The following TMCO4 variants were observed in gnomAD, a reference collection of about 807,000 sequenced individuals.
The protein encoded by TMCO4 is transmembrane and coiled-coil domains 4, also known as transmembrane and coiled-coil domain-containing protein 4.
Under a neutral mutation model 64.7 loss-of-function variants are expected in TMCO4, and 58 were observed. The ratio of observed to expected loss-of-function variants is 0.90; its 90% CI spans 0.73 to 1.12. The LOEUF (loss-of-function observed/expected upper bound fraction) is 1.12, where lower values mean the gene tolerates loss of function less well. Among genes scored for constraint, TMCO4 ranks in the 50% most tolerant of loss-of-function variants. The pLI is 0.00. For missense variants in TMCO4, 780 were observed against 825.9 expected (o/e 0.94, Z 0.68); for synonymous variants, 325 against 346.1 (o/e 0.94, Z 0.68).
intron 4 of TMCO4, among the ~76,000 whole-genome samples, chr1:19,777,178 G>A (rs577180851): frequency 1.3e-5 from 2 of 152,266 alleles, no homozygotes; most frequent in African/African-American, 4.8e-5. Context: ...GGGTATTTTG[G>A]GAAAGATGTC....
At chr1:19,750,692 C>T (rs946896281) in intron 7 of TMCO4, among the ~76,000 whole-genome samples, 1 of 152,232 alleles carries the variant, frequency 6.6e-6, no homozygotes, top group Non-Finnish European at 1.5e-5. Flanking sequence ...CACTTCCTCA[C>T]TGACACATCA....
chr1:19,737,187 T>A (rs540484384), intron 13 of TMCO4, among the ~76,000 whole-genome samples, 185 bp downstream of exon 13: 3 of 152,242 alleles, frequency 2.0e-5, no homozygotes, highest in Non-Finnish European at 4.4e-5. Flanking sequence ...AATGTATGTA[T>A]ATAAAATCAT....
At chr1:19,696,146 C>T (rs2095235220) in intron 14 of TMCO4, among the ~76,000 whole-genome samples, 2 of 152,208 alleles carry the variant, frequency 1.3e-5, no homozygotes, top group Admixed American at 1.3e-4. Flanking sequence ...CATAGCTCTC[C>T]ATTACCTATG....
intron 7 of TMCO4, among the ~76,000 whole-genome samples, chr1:19,748,381 G>C (rs1217544504): frequency 6.6e-6 from 1 of 152,204 alleles, no homozygotes; most frequent in East Asian, 1.9e-4. Context: ...AGTCAATAAA[G>C]TTATATTGAG....
At chr1:19,685,078 A>G (rs553559743) in intron 15 of TMCO4, among the ~76,000 whole-genome samples, 4 of 152,324 alleles carry the variant, frequency 2.6e-5, no homozygotes, top group African/African-American at 9.6e-5. Flanking sequence ...TAATCCCAGC[A>G]CTTTGGGAGG....
rs372931435 is a variant in TMCO4 at position 19,707,821 on chromosome 1, T to G, written c.1265-6936A>C. On this transcript the variant is annotated intron_variant, in intron 13 of 15. Transcript: ENST00000294543. ...TAACAGGAAGCATGACTGGGAGGCCTCAGGAAACTTACAATCATGGCGGAA... is the reference window on the plus strand; with the variant it reads ...TAACAGGAAGCATGACTGGGAGGCCGCAGGAAACTTACAATCATGGCGGAA... 2.6e-5 allele frequency among the ~76,000 whole-genome samples: 4 copies of G among 152,232 alleles called. No homozygotes were observed. The East Asian group carries it at 5.8e-4, about 22-fold the overall frequency.
At chr1:19,704,719 T>G (rs2095293425) in intron 13 of TMCO4, among the ~76,000 whole-genome samples, 1 of 152,160 alleles carries the variant, frequency 6.6e-6, no homozygotes, top group African/African-American at 2.4e-5. Flanking sequence ...TGGGACCCCT[T>G]GTGGCCAGCG....
chr1:19,734,208 G>A lies in TMCO4; in HGVS notation c.1264+3164C>T, dbSNP rs574472590. On this transcript the variant is annotated intron_variant, in intron 13 of 15. Coordinates refer to ENST00000294543, the MANE Select transcript of TMCO4 (RefSeq NM_181719.7). This position sits in a 1 kb window ranked among gnomAD's most constrained non-coding sequence, Gnocchi z 4.4. ...CTTGGTCTGCTGGAGCCCGGCATGT[G>A]AGGTGGAGAGAGGCGGGGGAAGGTG... Among the ~76,000 whole-genome samples the A allele has an allele frequency of 6.6e-6, 1 of 152,330 alleles. No individual in the cohort carries two copies. Among genetic ancestry groups the A allele is most frequent in the South Asian group, 2.1e-4 (1 of 4,828 alleles).
At chr1:19,731,636 G>A (rs775192324) in intron 13 of TMCO4, among the ~76,000 whole-genome samples, 31 of 152,352 alleles carry the variant, frequency 2.0e-4, no homozygotes, top group Non-Finnish European at 3.8e-4. Flanking sequence ...TCCTGCAAGC[G>A]CCTGGTGCTG....
chr1:19,722,250 G>T lies in TMCO4; in HGVS notation c.1264+15122C>A, dbSNP rs149595431. 5.4e-3 allele frequency among the ~76,000 whole-genome samples: 828 copies of T among 152,278 alleles called. 6 individuals are homozygous for T. The highest frequency in any genetic ancestry group is 0.019 in the African/African-American group (779 of 41,558). On this transcript the variant is annotated intron_variant, in intron 13 of 15. Transcript: ENST00000294543. ...TCACATGCTCATGGGACGAAAGAAT[G>T]AAATGAGGCCCAGCATATCAGCCTC...
At chr1:19,719,818 C>A (rs1211090477) in intron 13 of TMCO4, among the ~76,000 whole-genome samples, 2 of 151,998 alleles carry the variant, frequency 1.3e-5, no homozygotes, top group Admixed American at 6.6e-5. Flanking sequence ...CATGGCAAAA[C>A]CCCGTCCCTA....
chr1:19,737,185 T>C (rs1410357585), intron 13 of TMCO4, among the ~76,000 whole-genome samples, 187 bp downstream of exon 13: 2 of 152,372 alleles, frequency 1.3e-5, no homozygotes, highest in East Asian at 3.9e-4. Flanking sequence ...CTAATGTATG[T>C]ATATAAAATC....
At chr1:19,798,644 T>C (rs1305390084) in intron 1 of TMCO4, among the ~76,000 whole-genome samples, 2 of 152,202 alleles carry the variant, frequency 1.3e-5, no homozygotes, top group African/African-American at 4.8e-5. Flanking sequence ...ACACGAGGGC[T>C]TGAGGCCACT....
chr1:19,714,125 CG>C (rs1557497936), intron 13 of TMCO4, among the ~76,000 whole-genome samples: 1 of 152,074 alleles, frequency 6.6e-6, no homozygotes, highest in East Asian at 1.9e-4. Context: ...TTAGTAGAAA[CG>C]GGTTTTCACC....
chr1:19,726,917 C>T (rs974518440), intron 13 of TMCO4, among the ~76,000 whole-genome samples: 2 of 152,214 alleles, frequency 1.3e-5, no homozygotes, highest in Admixed American at 1.3e-4. Flanking sequence ...CCAGGGATTC[C>T]CACGGGAGAT....
intron 6 of TMCO4, among the ~76,000 whole-genome samples, chr1:19,756,800 T>C (rs2042274465): frequency 6.6e-6 from 1 of 152,024 alleles, no homozygotes; most frequent in Non-Finnish European, 1.5e-5. Context: ...GAGATCAGCC[T>C]GGGCAACATA....
At chr1:19,687,448 C>T (rs1165718466) in intron 15 of TMCO4, among the ~76,000 whole-genome samples, 1 of 152,164 alleles carries the variant, frequency 6.6e-6, no homozygotes, top group Non-Finnish European at 1.5e-5. Flanking sequence ...AAAGGAGTTG[C>T]TGGGAAGAAA....
At chr1:19,685,940 G>C (rs1217969884) in intron 15 of TMCO4, among the ~76,000 whole-genome samples, 2 of 152,014 alleles carry the variant, frequency 1.3e-5, no homozygotes, top group Non-Finnish European at 2.9e-5. Flanking sequence ...TGTTAGCCAG[G>C]ATGGTCTTGA....
In TMCO4 at chr1:19,718,666, AG is replaced by A. The variant is rs1249038832; in HGVS notation, c.1265-17782del. 1.1e-3 allele frequency among the ~76,000 whole-genome samples: 156 copies of A among 140,042 alleles called. 2 individuals carry two copies. Among genetic ancestry groups the A allele is most frequent in the African/African-American group, 4.2e-3 (144 of 34,192 alleles). The allele number at this position is 140,042 out of a possible 152,430, so 91.9% of individuals were successfully genotyped here. Reference sequence around the variant, plus strand: ...ACCGTCTCTCAAAAAAAAAAAAAAAAGAGAGAGAGAAAATGCAACACCTGGT... The same window carrying A: ...ACCGTCTCTCAAAAAAAAAAAAAAAAAGAGAGAGAAAATGCAACACCTGGT... On this transcript the variant is annotated intron_variant, in intron 13 of 15. Transcript: ENST00000294543.
Sources: gnomAD v4.1 joint callset for allele counts (sites outside exome capture counted in the v4.1 genomes callset) on GRCh38, gnomAD v4.1.1 for gene constraint, Gnocchi (gnomAD v3.1) non-coding constraint, MANE v1.5 for transcripts, NCBI Gene and HGNC (gene_info 2026-07-23, HGNC 2026-07-21) for gene names.